Variants in ZNF729 observed in about 807,000 individuals in gnomAD.
The protein encoded by ZNF729 is zinc finger protein 729.
A neutral mutation model predicts 12.2 loss-of-function variants in ZNF729; 15 were observed. The ratio of observed to expected loss-of-function variants is 1.23; its 90% CI spans 0.82 to 1.89. ZNF729 has a LOEUF of 1.89. Ranked by LOEUF, ZNF729 falls within the 40% of genes most tolerant of loss-of-function variation. The pLI, the probability that ZNF729 is intolerant of heterozygous loss-of-function variation, is 0.00. For missense variants in ZNF729, 1,540 were observed against 1,456.7 expected (o/e 1.06, Z -0.93); for synonymous variants, 492 against 476.3 (o/e 1.03, Z -0.43).
In ZNF729 at chr19:22,316,853, A is replaced by G. The variant is rs757125476; in HGVS notation, c.3436A>G (p.Ile1146Val). The G allele has an allele frequency of 3.0e-5, 48 of 1,612,574 alleles. No homozygotes were observed. Among genetic ancestry groups the G allele is most frequent in the Non-Finnish European group, 3.7e-5 (44 of 1,179,820 alleles). ...ECGKAFSQSSILTKHKIIHSV... is the reference protein window; with the variant it reads ...ECGKAFSQSSVLTKHKIIHSV... ...TGGCAAAGCCTTTAGTCAGTCCTCA[A>G]TCCTTACTAAACATAAGATAATTCA... The change falls in exon 4 of 4, where the codon ATC becomes GTC. Residue 1146 changes from isoleucine to valine, a missense_variant. Coordinates refer to ENST00000601693, the MANE Select transcript of ZNF729 (RefSeq NM_001242680.2).
intron 1 of ZNF729, among the ~76,000 whole-genome samples, chr19:22,299,377 G>T (rs1022555212): frequency 6.6e-6 from 1 of 151,974 alleles, no homozygotes; most frequent in African/African-American, 2.4e-5. Context: ...CTACAGGCTT[G>T]TGCCACCAAG....
chr19:22,288,311 GTTTTT>G (rs79658308), intron 1 of ZNF729, among the ~76,000 whole-genome samples: 2 of 124,888 alleles, frequency 1.6e-5, no homozygotes, highest in South Asian at 2.7e-4. Context: ...TCTTTGTACT[GTTTTT>G]TTTTTTTTTT....
In ZNF729 at chr19:22,315,253, C is replaced by A; in HGVS notation, c.1836C>A (p.Ser612=). The change falls in exon 4 of 4, where the codon TCC becomes TCA. Residue 612 remains serine, a synonymous_variant. Transcript: ENST00000601693. ...CEECGKAFNN[S]SILAKHKIIH... The stretch of plus-strand genomic sequence containing the variant: ...AATGTGGCAAAGCTTTTAACAATTC[C>A]TCAATCCTTGCTAAACATAAGATAA... 6.2e-7 allele frequency: 1 copy of A among 1,612,074 alleles called. No individual in the cohort carries two copies. Among genetic ancestry groups the A allele is most frequent in the Non-Finnish European group, 8.5e-7 (1 of 1,179,384 alleles).
chr19:22,301,893 T>C (rs1170123664), intron 1 of ZNF729, among the ~76,000 whole-genome samples: 1 of 152,312 alleles, frequency 6.6e-6, no homozygotes, highest in Admixed American at 6.5e-5. Flanking sequence ...ATCTAGATTC[T>C]GGAGCTTAAC....
At chr19:22,308,108 A>G (rs556137485) in intron 3 of ZNF729, among the ~76,000 whole-genome samples, 3 of 152,276 alleles carry the variant, frequency 2.0e-5, no homozygotes, top group Admixed American at 6.5e-5. Context: ...CAGTGAGAAC[A>G]TAAGATGTTT....
In ZNF729 at chr19:22,316,416, A is replaced by T. The variant is rs764069913; in HGVS notation, c.2999A>T (p.Asp1000Val). The T allele has an allele frequency of 6.8e-6, 11 of 1,612,026 alleles. No homozygotes were observed. The South Asian group carries it at 9.9e-5, about 15-fold the overall frequency. Residue 1000 changes from aspartate to valine, a missense_variant, in exon 4 of 4, where the codon GAT becomes GTT. By Grantham distance (152) the Asp-to-Val change is radical. Coordinates refer to ENST00000601693, the MANE Select transcript of ZNF729 (RefSeq NM_001242680.2). ...KPYKCEECGKDFNNSSTLKKH... is the reference protein window; with the variant it reads ...KPYKCEECGKVFNNSSTLKKH... The stretch of plus-strand genomic sequence containing the variant: ...TACAAATGCGAAGAATGTGGCAAAG[A>T]TTTTAACAATTCCTCAACCCTTAAG...
rs1568571046 is a variant in ZNF729, at chr19:22,293,511, T to TTTTTTTTTTTTTTA, written c.30+6956_30+6957insTTTTTTTTTTTTTA. 3.4e-5 allele frequency among the ~76,000 whole-genome samples: 5 copies of TTTTTTTTTTTTTTA among 145,128 alleles called. 1 individual carries two copies. Among genetic ancestry groups the TTTTTTTTTTTTTTA allele is most frequent in the African/African-American group, 1.3e-4 (5 of 37,720 alleles). ...TTTTGTCTATTTTTTTTTTTTTTTT[T>TTTTTTTTTTTTTTA]GAGACAGTTTCGCTCTTGTTTCCCA... On this transcript the variant is annotated intron_variant, in intron 1 of 3. Coordinates refer to ENST00000601693, the MANE Select transcript of ZNF729 (RefSeq NM_001242680.2).
At chr19:22,291,911 T>A (rs1353667587) in intron 1 of ZNF729, among the ~76,000 whole-genome samples, 1 of 152,086 alleles carries the variant, frequency 6.6e-6, no homozygotes, top group East Asian at 1.9e-4. Flanking sequence ...TTTTTGTATT[T>A]TTAGTAGAGA....
At chr19:22,307,235 G>C (rs536070834) in intron 3 of ZNF729, among the ~76,000 whole-genome samples, 1 of 150,244 alleles carries the variant, frequency 6.7e-6, no homozygotes, top group South Asian at 2.1e-4. Context: ...TGAACTCCTG[G>C]TCTGAAGTTA....
chr19:22,294,951 C>G (rs1414722740), intron 1 of ZNF729, among the ~76,000 whole-genome samples: 1 of 151,802 alleles, frequency 6.6e-6, no homozygotes, highest in African/African-American at 2.4e-5. Context: ...GCTACCGTGC[C>G]TGGCCGTCTG....
intron 1 of ZNF729, among the ~76,000 whole-genome samples, chr19:22,290,305 T>C (rs184889824): frequency 2.5e-3 from 374 of 152,234 alleles, no homozygotes; most frequent in Middle Eastern, 0.01. Context: ...TGAAAGGGGA[T>C]TGGGAGGGTC....
intron 3 of ZNF729, among the ~76,000 whole-genome samples, chr19:22,310,716 A>G (rs1175932036): frequency 6.6e-6 from 1 of 152,156 alleles, no homozygotes; most frequent in African/African-American, 2.4e-5. Flanking sequence ...TTCATAGAAT[A>G]AATTAGGAAG....
rs540376505 is a variant in ZNF729, at chr19:22,286,456, G to C, written c.-70G>C. ...GGTTGCAGCCGCAGTTCCCGGTCTCGCCTTCACTGCTGTGTGTCCTCAGCC... is the reference window on the plus strand; with the variant it reads ...GGTTGCAGCCGCAGTTCCCGGTCTCCCCTTCACTGCTGTGTGTCCTCAGCC... On this transcript the variant is annotated 5_prime_UTR_variant, in exon 1 of 4. Coordinates refer to ENST00000601693, the MANE Select transcript of ZNF729 (RefSeq NM_001242680.2). 79 of 1,595,750 alleles carry C rather than the reference G, an allele frequency of 5.0e-5. 1 individual carries two copies. In the African/African-American group the frequency reaches 6.9e-4, roughly 14 times the overall value.
At position 22,314,341 on chromosome 19, in the gene ZNF729, T is replaced by C; in HGVS notation, c.924T>C (p.Asn308=). 1 of 1,608,758 alleles carries C rather than the reference T, an allele frequency of 6.2e-7. No homozygotes were observed. Among genetic ancestry groups the C allele is most frequent in the Non-Finnish European group, 8.5e-7 (1 of 1,178,736 alleles). The change falls in exon 4 of 4, where the codon AAT becomes AAC. Residue 308 remains asparagine, a synonymous_variant. Transcript: ENST00000601693. ...GKAFKGSSNF[N]AHKVIHTAEK... ...CTTTTAAGGGGTCCTCAAATTTTAATGCACATAAGGTAATTCATACTGCAG... is the reference window on the plus strand; with the variant it reads ...CTTTTAAGGGGTCCTCAAATTTTAACGCACATAAGGTAATTCATACTGCAG...
chr19:22,311,804 T>G (rs540897758), intron 3 of ZNF729, among the ~76,000 whole-genome samples: 6 of 152,230 alleles, frequency 3.9e-5, no homozygotes, highest in Non-Finnish European at 8.8e-5. Context: ...AAGTCCTCAC[T>G]ATTATTGTGT....
At position 22,312,609 on chromosome 19, in the gene ZNF729, T is replaced by C. The variant is rs906689669; in HGVS notation, c.254-1062T>C. 3.1e-4 allele frequency among the ~76,000 whole-genome samples: 47 copies of C among 152,292 alleles called. 1 individual carries two copies. Among genetic ancestry groups the C allele is most frequent in the African/African-American group, 8.4e-4 (35 of 41,550 alleles). On this transcript the variant is annotated intron_variant, in intron 3 of 3. Coordinates refer to ENST00000601693, the MANE Select transcript of ZNF729 (RefSeq NM_001242680.2). ...GGTCTCAGCAGACTCAAGCTGTCAT[T>C]TTAAAGTATGCCACCATTTCTTTCA...
At chr19:22,290,151 G>C (rs1968133505) in intron 1 of ZNF729, among the ~76,000 whole-genome samples, 1 of 152,156 alleles carries the variant, frequency 6.6e-6, no homozygotes, top group South Asian at 2.1e-4. Flanking sequence ...AGTTATTAAA[G>C]GACCACTTAG....
intron 3 of ZNF729, among the ~76,000 whole-genome samples, chr19:22,312,278 C>T (rs1968459519): frequency 6.6e-6 from 1 of 152,024 alleles, no homozygotes; most frequent in South Asian, 2.1e-4. Context: ...TCCTAATATT[C>T]TATATACATT....
intron 1 of ZNF729, 52 bp downstream of exon 1, chr19:22,286,607 C>T (rs1968081243): frequency 1.2e-6 from 2 of 1,611,872 alleles, no homozygotes; most frequent in Non-Finnish European, 1.7e-6. Context: ...TGATTGGAAC[C>T]GGTGGGAAGT....
Sources: allele counts gnomAD v4.1 joint callset (sites outside exome capture counted in the v4.1 genomes callset), GRCh38; gene constraint gnomAD v4.1.1; transcripts MANE v1.5; gene names NCBI Gene and HGNC (gene_info 2026-07-23, HGNC 2026-07-21).